NEDD1: variants seen among roughly 807,000 people sequenced by gnomAD.
NEDD1 encodes NEDD1 gamma-tubulin ring complex targeting factor.
A neutral mutation model predicts 74.0 loss-of-function variants in NEDD1; 33 were observed. That is an observed-to-expected ratio of 0.45 (90% CI 0.34 to 0.60). The LOEUF (loss-of-function observed/expected upper bound fraction) is 0.60. NEDD1 is among the 20% of genes least tolerant of loss of function. The pLI, the probability that NEDD1 is intolerant of heterozygous loss-of-function variation, is 0.01. For synonymous variants in NEDD1, 250 were observed against 264.4 expected (o/e 0.95, Z 0.53); for missense variants, 746 against 776.5 (o/e 0.96, Z 0.47).
intron 9 of NEDD1, 118 bp downstream of exon 9, chr12:96,937,511 A>G: frequency 2.1e-6 from 1 of 481,562 alleles, no homozygotes; most frequent in Non-Finnish European, 3.7e-6. Flanking sequence ...TTATTTGAGT[A>G]CTTAGGTAAA....
Position 96,907,985 on chromosome 12 carries a change from TCAGTG to T in NEDD1, c.-9+130_-9+134del, listed in dbSNP as rs988518360. On this transcript the variant is annotated intron_variant, in intron 2 of 15. Coordinates refer to ENST00000266742, the MANE Select transcript of NEDD1 (RefSeq NM_152905.4). Reference sequence around the variant, plus strand: ...AACCCAGTTTTTCTGAGCCCAGGCCTCAGTGATCTACCCACTACACCCCGCAGCTC... The same window carrying T: ...AACCCAGTTTTTCTGAGCCCAGGCCTATCTACCCACTACACCCCGCAGCTC... The T allele has an allele frequency of 7.7e-6, 5 of 649,138 alleles. No homozygotes were observed. The African/African-American group carries it at 9.3e-5, about 12-fold the overall frequency. The allele number at this position is 649,138 out of a possible 1,614,324, so 40.2% of individuals were successfully genotyped here.
At chr12:96,914,354 G>A (rs1365275584) in intron 4 of NEDD1, among the ~76,000 whole-genome samples, 2 of 152,018 alleles carry the variant, frequency 1.3e-5, no homozygotes, top group African/African-American at 4.8e-5. Context: ...ATAACAGATG[G>A]TATTTACAAG....
Position 96,940,403 on chromosome 12 carries a change from T to C in NEDD1, c.1118-6T>C, listed in dbSNP as rs1194161358. On this transcript the variant is annotated splice_polypyrimidine_tract_variant and splice_region_variant and intron_variant, in intron 9 of 15. Coordinates refer to ENST00000266742, the MANE Select transcript of NEDD1 (RefSeq NM_152905.4). ...AACATTGATTTTTATATCTAATTCC[T>C]ATAAGGTTTGCCTCGAAGCATAAAC... is the stretch of plus-strand genomic sequence containing the variant. 6.4e-7 allele frequency: 1 copy of C among 1,559,752 alleles called. No homozygotes were observed. The highest frequency in any genetic ancestry group is 1.8e-5 in the Admixed American group (1 of 56,750).
At chr12:96,948,078 G>A (rs928463844) in intron 14 of NEDD1, among the ~76,000 whole-genome samples, 3 of 152,146 alleles carry the variant, frequency 2.0e-5, no homozygotes, top group Non-Finnish European at 4.4e-5. Context: ...AGAGGGTATT[G>A]AGGACCTCTT....
At chr12:96,940,735 C>T (rs1159568978) in intron 10 of NEDD1, among the ~76,000 whole-genome samples, 198 bp downstream of exon 10, 1 of 152,066 alleles carries the variant, frequency 6.6e-6, no homozygotes. Context: ...GTAATTTTCA[C>T]ATGGGAATTA....
chr12:96,928,943 G>A (rs1011206608), intron 6 of NEDD1, among the ~76,000 whole-genome samples: 1 of 151,900 alleles, frequency 6.6e-6, no homozygotes, highest in Non-Finnish European at 1.5e-5. Flanking sequence ...GCCCGCCTCG[G>A]CCTCCCAAAG....
In NEDD1 at chr12:96,936,222, A is replaced by G. The variant is rs551169075; in HGVS notation, c.720-389A>G. On this transcript the variant is annotated intron_variant, in intron 7 of 15. Transcript: ENST00000266742. ...GTCATAGTCCTCATGAGGCCTAAGC[A>G]GGTCAATAAATGGAAAGTGGATACT... Among the ~76,000 whole-genome samples the G allele has an allele frequency of 2.3e-4, 35 of 152,306 alleles. No individual in the cohort carries two copies. The South Asian group carries it at 7.0e-3, about 31-fold the overall frequency.
chr12:96,911,159 T>C (rs1470387248), intron 3 of NEDD1, among the ~76,000 whole-genome samples: 2 of 152,188 alleles, frequency 1.3e-5, no homozygotes, highest in Admixed American at 6.5e-5. Context: ...GAGCGACAAG[T>C]ATATGAAGTT....
chr12:96,923,371 A>G (rs1291408600), intron 6 of NEDD1, among the ~76,000 whole-genome samples: 2 of 152,146 alleles, frequency 1.3e-5, no homozygotes, highest in Non-Finnish European at 2.9e-5. Flanking sequence ...TATTTTGAGT[A>G]AATACTTAGG....
At chr12:96,925,078 G>A (rs1463609639) in intron 6 of NEDD1, 4 of 259,092 alleles carry the variant, frequency 1.5e-5, no homozygotes, top group African/African-American at 4.6e-5. Flanking sequence ...GTAGCAATAA[G>A]CAATAAGTAT....
At chr12:96,907,927 A>T in intron 2 of NEDD1, 71 bp downstream of exon 2, 2 of 1,255,742 alleles carry the variant, frequency 1.6e-6, no homozygotes, top group Non-Finnish European at 2.0e-6. Flanking sequence ...TCACCCGGCG[A>T]GTTGTGTTTC....
chr12:96,946,551 T>G (rs1449960148), intron 14 of NEDD1, among the ~76,000 whole-genome samples: 1 of 152,204 alleles, frequency 6.6e-6, no homozygotes, highest in Non-Finnish European at 1.5e-5. Flanking sequence ...TAAAATACTT[T>G]TAAAATATAT....
intron 14 of NEDD1, among the ~76,000 whole-genome samples, chr12:96,947,784 T>G (rs1878340089): frequency 6.6e-6 from 1 of 152,162 alleles, no homozygotes; most frequent in Non-Finnish European, 1.5e-5. Context: ...AGGAGAAGTG[T>G]GTCTGTCCCA....
chr12:96,940,414 C>A lies in NEDD1; in HGVS notation c.1123C>A (p.Pro375Thr), dbSNP rs1217952225. The A allele has an allele frequency of 1.3e-6, 2 of 1,582,690 alleles. No individual in the cohort carries two copies. The highest frequency in any genetic ancestry group is 1.4e-5 in the African/African-American group (1 of 73,972). The change falls in exon 10 of 16, where the codon CCT becomes ACT. Residue 375 changes from proline to threonine, a missense_variant. Physicochemically the swap from Pro to Thr is conservative, Grantham distance 38 (BLOSUM62 -1). This residue lies in a region of NEDD1 where 706 missense variants were observed against 706.7 expected (regional missense o/e 1.00). Coordinates refer to ENST00000266742, the MANE Select transcript of NEDD1 (RefSeq NM_152905.4). Reference sequence around the variant, plus strand: ...TTATATCTAATTCCTATAAGGTTTGCCTCGAAGCATAAACACAGACACTTT... The same window carrying A: ...TTATATCTAATTCCTATAAGGTTTGACTCGAAGCATAAACACAGACACTTT... The part of the protein sequence containing the change: ...TVAVQEKAGL[P>T]RSINTDTLSK...
intron 14 of NEDD1, 102 bp downstream of exon 14, chr12:96,945,951 G>A (rs1338499447): frequency 2.0e-5 from 14 of 695,970 alleles, no homozygotes; most frequent in South Asian, 1.7e-4. Flanking sequence ...TATTGTCTAG[G>A]TTCTGGTAAT....
intron 15 of NEDD1, 53 bp from the exon 16 acceptor site, chr12:96,951,896 C>A (rs562478778): frequency 1.4e-5 from 13 of 950,698 alleles, no homozygotes; most frequent in Non-Finnish European, 2.2e-5. Flanking sequence ...ACATAGCCTG[C>A]CAAATAAATG....
rs879550147 is a variant in NEDD1 at position 96,953,024 on chromosome 12, C to T, written c.*971C>T. On this transcript the variant is annotated 3_prime_UTR_variant, in exon 16 of 16. Coordinates refer to ENST00000266742, the MANE Select transcript of NEDD1 (RefSeq NM_152905.4). Reference sequence around the variant, plus strand: ...GAAAGGTTGTCAAAATAAGTTATACCTCTTTGGCAATAGATAGATGTATAC... The same window carrying T: ...GAAAGGTTGTCAAAATAAGTTATACTTCTTTGGCAATAGATAGATGTATAC... 2 of 150,518 alleles carry T rather than the reference C, an allele frequency of 1.3e-5. No individual in the cohort carries two copies. The highest frequency in any genetic ancestry group is 3.0e-5 in the Non-Finnish European group (2 of 67,414). The allele number at this position is 150,518 out of a possible 1,614,324, so 9.3% of individuals were successfully genotyped here.
chr12:96,909,394 G>T (rs1873662211), intron 2 of NEDD1, among the ~76,000 whole-genome samples: 1 of 152,176 alleles, frequency 6.6e-6, no homozygotes, highest in Non-Finnish European at 1.5e-5. Context: ...GAACATCTTA[G>T]GCACAGGGAG....
chr12:96,916,009 G>C (rs1490498525), intron 4 of NEDD1, among the ~76,000 whole-genome samples: 1 of 152,098 alleles, frequency 6.6e-6, no homozygotes, highest in Admixed American at 6.6e-5. Flanking sequence ...TTCCAAACAG[G>C]GTTCAGTGAA....
Sources: allele counts gnomAD v4.1 joint callset (sites outside exome capture counted in the v4.1 genomes callset), GRCh38; gene constraint gnomAD v4.1.1; regional missense constraint gnomAD v4.1.1; transcripts MANE v1.5; gene names NCBI Gene and HGNC (gene_info 2026-07-23, HGNC 2026-07-21).